The following ATXN10 variants were observed in gnomAD, a reference collection of about 807,000 sequenced individuals.
The protein encoded by ATXN10 is ataxin 10, also known as ataxin-10.
In ATXN10, 28 loss-of-function variants were observed where a neutral mutation model predicts 52.9. That is an observed-to-expected ratio of 0.53 (90% confidence interval 0.39 to 0.73). The LOEUF (loss-of-function observed/expected upper bound fraction) is 0.73. Ranked by LOEUF, ATXN10 falls within the 30% of genes least tolerant of loss-of-function variation. ATXN10 has a pLI of 0.00. For missense variants in ATXN10, 565 were observed against 577.0 expected (o/e 0.98, Z 0.21); for synonymous variants, 226 against 221.5 (o/e 1.02, Z -0.18).
rs73441935 is a variant in ATXN10 at position 45,831,308 on chromosome 22, A to G, written c.1238-11683A>G. ...CAACGTTGTGAATGCGTTTAACACT[A>G]CCAATGTGTACTCTTTAGTATAGTT... On this transcript the variant is annotated intron_variant, in intron 10 of 11. Transcript: ENST00000252934. Among the ~76,000 whole-genome samples, 481 of 152,208 alleles carry G rather than the reference A, an allele frequency of 3.2e-3. 4 individuals carry two copies. Among genetic ancestry groups the G allele is most frequent in the African/African-American group, 0.011 (442 of 41,514 alleles).
chr22:45,734,838 C>T (rs1192664172), intron 7 of ATXN10, among the ~76,000 whole-genome samples: 4 of 150,272 alleles, frequency 2.7e-5, no homozygotes, highest in Admixed American at 1.3e-4. Context: ...TACTTAGCCT[C>T]TCTCTGCCCT....
intron 2 of ATXN10, among the ~76,000 whole-genome samples, chr22:45,692,116 A>G (rs1488603704): frequency 1.3e-5 from 2 of 152,262 alleles, no homozygotes; most frequent in African/African-American, 2.4e-5. Flanking sequence ...CTCAGTAAAC[A>G]TTAAATGTTT....
rs1926490576 is a variant in ATXN10 at position 45,763,967 on chromosome 22, TATA to T, written c.1173+23433_1173+23435del. On this transcript the variant is annotated intron_variant, in intron 9 of 11. Coordinates refer to ENST00000252934, the MANE Select transcript of ATXN10 (RefSeq NM_013236.4). The surrounding 1 kb of genome is among the most constrained non-coding windows in gnomAD (Gnocchi z 6.9). ...GCTGCTACGTGTTATTGGAGAAAAT[TATA>T]ATACCTGACTTGTGAGTTCCATTCC... Among the ~76,000 whole-genome samples the T allele has an allele frequency of 6.6e-6, 1 of 151,474 alleles. No homozygotes were observed. Among genetic ancestry groups the T allele is most frequent in the African/African-American group, 2.4e-5 (1 of 41,196 alleles).
chr22:45,753,166 C>T (rs1926046049), intron 9 of ATXN10, among the ~76,000 whole-genome samples: 1 of 151,568 alleles, frequency 6.6e-6, no homozygotes, highest in Admixed American at 6.6e-5. Flanking sequence ...TCATTTCCCT[C>T]TTCCCTTAAC....
intron 10 of ATXN10, among the ~76,000 whole-genome samples, chr22:45,830,302 G>T (rs890978209): frequency 7.2e-5 from 11 of 152,286 alleles, no homozygotes; most frequent in African/African-American, 2.2e-4. Context: ...TTATTTATTG[G>T]ATGTGATACC....
intron 1 of ATXN10, chr22:45,673,439 C>G (rs908036397): frequency 4.6e-5 from 7 of 152,192 alleles, no homozygotes; most frequent in African/African-American, 1.7e-4. Flanking sequence ...TGAAGGAATG[C>G]TATTAATAAA....
chr22:45,771,782 G>C (rs2049990360), intron 9 of ATXN10, among the ~76,000 whole-genome samples: 1 of 151,998 alleles, frequency 6.6e-6, no homozygotes, highest in Non-Finnish European at 1.5e-5. Flanking sequence ...TTTTCTTTCT[G>C]TCTTAATTTT....
rs533152414 is a variant in ATXN10, at chr22:45,810,421, G to T, written c.1237+3399G>T. Among the ~76,000 whole-genome samples the T allele has an allele frequency of 2.6e-5, 4 of 152,170 alleles. No homozygotes were observed. In the East Asian group the frequency reaches 7.7e-4, roughly 29 times the overall value. On this transcript the variant is annotated intron_variant, in intron 10 of 11. Coordinates refer to ENST00000252934, the MANE Select transcript of ATXN10 (RefSeq NM_013236.4). ...TTTGTATTGTTGCATAAAAGTTTTA[G>T]AATCAGTATAAATTCTACACATTTG...
At chr22:45,830,879 T>C (rs1187037251) in intron 10 of ATXN10, among the ~76,000 whole-genome samples, 1 of 152,190 alleles carries the variant, frequency 6.6e-6, no homozygotes, top group Non-Finnish European at 1.5e-5. Flanking sequence ...CCCGAAAGAA[T>C]TGAGAGTAGT....
rs556576990 is a variant in ATXN10 at position 45,823,895 on chromosome 22, C to T, written c.1237+16873C>T. On this transcript the variant is annotated intron_variant, in intron 10 of 11. Transcript: ENST00000252934. The surrounding 1 kb of genome is among the most constrained non-coding windows in gnomAD (Gnocchi z 4.9). Reference sequence around the variant, plus strand: ...TAGGCTTGGGGGCAGGCACTCAGGTCACCTGGGAGACTCTGTGCCCTCAGC... The same window carrying T: ...TAGGCTTGGGGGCAGGCACTCAGGTTACCTGGGAGACTCTGTGCCCTCAGC... Among the ~76,000 whole-genome samples the T allele has an allele frequency of 6.6e-6, 1 of 152,356 alleles. No homozygotes were observed. The highest frequency in any genetic ancestry group is 2.1e-4 in the South Asian group (1 of 4,826).
rs893951370 is a variant in ATXN10, at chr22:45,786,577, G to A, written c.1174-20382G>A. 2.0e-5 allele frequency among the ~76,000 whole-genome samples: 3 copies of A among 152,134 alleles called. No homozygotes were observed. Among genetic ancestry groups the A allele is most frequent in the South Asian group, 2.1e-4 (1 of 4,830 alleles). On this transcript the variant is annotated intron_variant, in intron 9 of 11. Coordinates refer to ENST00000252934, the MANE Select transcript of ATXN10 (RefSeq NM_013236.4). The surrounding 1 kb of genome is among the most constrained non-coding windows in gnomAD (Gnocchi z 4.1). The stretch of plus-strand genomic sequence containing the variant: ...GTTGGTTCTTCCTTACTTAGGTCTC[G>A]TACCCACTCCAAGTGCAATGCTGCG...
chr22:45,700,477 G>A, intron 4 of ATXN10, 99 bp downstream of exon 4: 2 of 934,696 alleles, frequency 2.1e-6, no homozygotes, highest in South Asian at 1.4e-5. Context: ...GTAACCCACT[G>A]TAATAGAGTT....
chr22:45,775,437 T>C lies in ATXN10; in HGVS notation c.1174-31522T>C, dbSNP rs1926917915. Among the ~76,000 whole-genome samples, 1 of 152,190 alleles carries C rather than the reference T, an allele frequency of 6.6e-6. No individual in the cohort carries two copies. Among genetic ancestry groups the C allele is most frequent in the Non-Finnish European group, 1.5e-5 (1 of 68,036 alleles). ...AGAACGGGTGGGTGCTTGCTGAAAG[T>C]TTATATTCATTCCATATTTAGTTGT... On this transcript the variant is annotated intron_variant, in intron 9 of 11. Coordinates refer to ENST00000252934, the MANE Select transcript of ATXN10 (RefSeq NM_013236.4). The surrounding 1 kb of genome is among the most constrained non-coding windows in gnomAD (Gnocchi z 4.7).
In ATXN10 at chr22:45,718,555, GTGACTGAAAAGCTGTGTGGTT is replaced by G. The variant is rs1569035285; in HGVS notation, c.728+64_728+84del. 1.4e-6 allele frequency: 2 copies of G among 1,379,928 alleles called. No homozygotes were observed. The highest frequency in any genetic ancestry group is 2.9e-5 in the African/African-American group (2 of 70,094). The allele number at this position is 1,379,928 out of a possible 1,614,324, so 85.5% of individuals were successfully genotyped here. A position where few individuals can be genotyped will look rare whatever the true frequency, so the allele number is the denominator to read the frequency against. On this transcript the variant is annotated intron_variant, in intron 6 of 11. Transcript: ENST00000252934. The surrounding 1 kb of genome is among the most constrained non-coding windows in gnomAD (Gnocchi z 4.4). Reference sequence around the variant, plus strand: ...ATTCCATATAGGGTATTCGATGCACGTGACTGAAAAGCTGTGTGGTTTCTGAGTTGGCACAGAATCTCTAAA... The same window carrying G: ...ATTCCATATAGGGTATTCGATGCACGTCTGAGTTGGCACAGAATCTCTAAA...
At chr22:45,778,681 C>T (rs1157227346) in intron 9 of ATXN10, among the ~76,000 whole-genome samples, 1 of 152,152 alleles carries the variant, frequency 6.6e-6, no homozygotes, top group African/African-American at 2.4e-5. Context: ...TTAGGATTCT[C>T]CATTAAGTGA....
At chr22:45,797,691 T>A (rs928517686) in intron 9 of ATXN10, among the ~76,000 whole-genome samples, 2 of 152,136 alleles carry the variant, frequency 1.3e-5, no homozygotes, top group Admixed American at 6.5e-5. Flanking sequence ...TTAACAAAGA[T>A]AAGAATGGAA....
Position 45,717,079 on chromosome 22 carries a change from TC to T in ATXN10, c.648-1330del, listed in dbSNP as rs1311121024. Among the ~76,000 whole-genome samples, 4 of 152,154 alleles carry T rather than the reference TC, an allele frequency of 2.6e-5. No homozygotes were observed. The East Asian group carries it at 7.7e-4, about 29-fold the overall frequency. On this transcript the variant is annotated intron_variant, in intron 5 of 11. Transcript: ENST00000252934. ...TTGCTGTTTTTCTAAGTCCTTTTTT[TC>T]CCCTCCTAATTTAAATGCTATCTTC...
Position 45,708,040 on chromosome 22 carries a change from C to T in ATXN10, c.647+5193C>T, listed in dbSNP as rs1253105196. Among the ~76,000 whole-genome samples the T allele has an allele frequency of 6.6e-6, 1 of 152,080 alleles. No individual in the cohort carries two copies. The highest frequency in any genetic ancestry group is 1.9e-4 in the East Asian group (1 of 5,202). On this transcript the variant is annotated intron_variant, in intron 5 of 11. Transcript: ENST00000252934. This position sits in a 1 kb window ranked among gnomAD's most constrained non-coding sequence, Gnocchi z 5.3. ...CCTTTGCTTGTTTCTTAGAAAAGGG[C>T]AAATGTGATTCCAATAACTTTGGGT...
In ATXN10 at chr22:45,705,726, G is replaced by T. The variant is rs565892330; in HGVS notation, c.647+2879G>T. Reference sequence around the variant, plus strand: ...TGGGATTACAGGCGTGAGCCACCGCGCCCGGCCTCCACTTGTTACGGGTCT... The same window carrying T: ...TGGGATTACAGGCGTGAGCCACCGCTCCCGGCCTCCACTTGTTACGGGTCT... On this transcript the variant is annotated intron_variant, in intron 5 of 11. Coordinates refer to ENST00000252934, the MANE Select transcript of ATXN10 (RefSeq NM_013236.4). The surrounding 1 kb of genome is among the most constrained non-coding windows in gnomAD (Gnocchi z 5.2). Among the ~76,000 whole-genome samples the T allele has an allele frequency of 1.3e-5, 2 of 152,082 alleles. No individual in the cohort carries two copies. The highest frequency in any genetic ancestry group is 2.9e-5 in the Non-Finnish European group (2 of 68,006).
Sources: gnomAD v4.1 joint callset for allele counts (sites outside exome capture counted in the v4.1 genomes callset) on GRCh38, gnomAD v4.1.1 for gene constraint, Gnocchi (gnomAD v3.1) non-coding constraint, MANE v1.5 for transcripts, NCBI Gene and HGNC (gene_info 2026-07-23, HGNC 2026-07-21) for gene names.